The following PDSS2 variants were observed in gnomAD, a reference collection of about 807,000 sequenced individuals.
The protein encoded by PDSS2 is decaprenyl diphosphate synthase subunit 2.
PDSS2 carries 31 observed loss-of-function variants against 44.5 expected under a neutral mutation model. The ratio of observed to expected loss-of-function variants is 0.70; its 90% CI spans 0.52 to 0.94. PDSS2 has a LOEUF of 0.94. Among genes scored for constraint, PDSS2 ranks in the 40% least tolerant of loss-of-function variants. PDSS2 has a pLI of 0.00. For missense variants in PDSS2, 452 were observed against 482.2 expected (o/e 0.94, Z 0.59); for synonymous variants, 157 against 180.3 (o/e 0.87, Z 1.03).
At chr6:107,303,041 A>G (rs1214803866) in intron 2 of PDSS2, among the ~76,000 whole-genome samples, 2 of 152,264 alleles carry the variant, frequency 1.3e-5, no homozygotes, top group Non-Finnish European at 2.9e-5. Flanking sequence ...AGTATCACAG[A>G]CTGAGTAATT....
Position 107,459,052 on chromosome 6 carries a change from G to T in PDSS2, c.234C>A (p.Ser78Arg), listed in dbSNP as rs1257581809. ...SLRCLLSDEL[S>R]NIAMQVRKLV... ...GCTTCCGCACCTGCATAGCGATGTT[G>T]CTGAGCTCGTCGCTCAGCAGGCAGC... Residue 78 changes from serine (S) to arginine (R), a missense_variant, in exon 1 of 8, where the codon AGC becomes AGA. Transcript: ENST00000369037. This position sits in a 1 kb window ranked among gnomAD's most constrained non-coding sequence, Gnocchi z 4.3. The T allele has an allele frequency of 6.2e-7, 1 of 1,614,132 alleles. No individual in the cohort carries two copies. Among genetic ancestry groups the T allele is most frequent in the Admixed American group, 1.7e-5 (1 of 60,028 alleles).
intron 2 of PDSS2, among the ~76,000 whole-genome samples, chr6:107,330,905 G>T (rs548050838): frequency 6.6e-6 from 1 of 152,144 alleles, no homozygotes; most frequent in African/African-American, 2.4e-5. Flanking sequence ...GCCTCTCCTG[G>T]CTGTTATATG....
intron 7 of PDSS2, among the ~76,000 whole-genome samples, chr6:107,189,738 G>A (rs1347234297): frequency 6.6e-6 from 1 of 152,120 alleles, no homozygotes; most frequent in Non-Finnish European, 1.5e-5. Context: ...TGGTCCAGGG[G>A]TGCTCTTATT....
chr6:107,167,745 C>T (rs1771406798), intron 7 of PDSS2, among the ~76,000 whole-genome samples: 1 of 152,184 alleles, frequency 6.6e-6, no homozygotes, highest in African/African-American at 2.4e-5. Context: ...ACCCAGTAGT[C>T]ATTCAGGAGC....
intron 4 of PDSS2, among the ~76,000 whole-genome samples, chr6:107,228,682 G>A (rs1270546629): frequency 1.3e-5 from 2 of 149,890 alleles, no homozygotes; most frequent in Non-Finnish European, 2.9e-5. Flanking sequence ...GTGACAGAGG[G>A]AGACTCTATC....
chr6:107,297,955 A>G (rs955441152), intron 2 of PDSS2, among the ~76,000 whole-genome samples: 2 of 152,142 alleles, frequency 1.3e-5, no homozygotes, highest in African/African-American at 4.8e-5. Context: ...CATGTTGGCC[A>G]GGCTGGTCTC....
chr6:107,343,399 T>C (rs1474181927), intron 1 of PDSS2, among the ~76,000 whole-genome samples: 3 of 152,216 alleles, frequency 2.0e-5, no homozygotes, highest in South Asian at 2.1e-4. Flanking sequence ...ACCTGCTAAA[T>C]TGATTTGTGA....
At chr6:107,164,323 C>T (rs1554247184) in intron 7 of PDSS2, among the ~76,000 whole-genome samples, 1 of 152,142 alleles carries the variant, frequency 6.6e-6, no homozygotes, top group Non-Finnish European at 1.5e-5. Flanking sequence ...CCACTTCCCC[C>T]ACCCCACGAC....
At chr6:107,192,921 G>C (rs1356189126) in intron 7 of PDSS2, among the ~76,000 whole-genome samples, 1 of 152,150 alleles carries the variant, frequency 6.6e-6, no homozygotes, top group African/African-American at 2.4e-5. Flanking sequence ...GAGGGTTTTG[G>C]TTGTCCCACG....
intron 1 of PDSS2, among the ~76,000 whole-genome samples, chr6:107,445,880 G>C (rs994661548): frequency 2.4e-4 from 37 of 152,160 alleles, no homozygotes; most frequent in Non-Finnish European, 8.8e-5. Flanking sequence ...TACTGACAGA[G>C]ATGAAACTAC....
chr6:107,192,297 G>C, intron 7 of PDSS2: 6 of 444,896 alleles, frequency 1.3e-5, no homozygotes, highest in South Asian at 1.0e-4. Flanking sequence ...AAGGAGAGAC[G>C]GTCCCAACAC....
At chr6:107,316,694 G>A (rs1314368738) in intron 2 of PDSS2, among the ~76,000 whole-genome samples, 2 of 152,028 alleles carry the variant, frequency 1.3e-5, no homozygotes, top group Non-Finnish European at 2.9e-5. Flanking sequence ...TTAAGTGACT[G>A]CCGTTCTCCC....
chr6:107,384,023 T>A (rs957932129), intron 1 of PDSS2, among the ~76,000 whole-genome samples: 2 of 152,278 alleles, frequency 1.3e-5, no homozygotes, highest in South Asian at 2.1e-4. Context: ...CAAATATCCA[T>A]TAGCTAATCA....
rs112912276 is a variant in PDSS2 at position 107,372,552 on chromosome 6, T to C, written c.297-38220A>G. ...CTGCAAGCTCCGCCTCCCGGGTTCA[T>C]GCCATTCTCCTGCCTCAGCCTCCCG... On this transcript the variant is annotated intron_variant, in intron 1 of 7. Coordinates refer to ENST00000369037, the MANE Select transcript of PDSS2 (RefSeq NM_020381.4). Among the ~76,000 whole-genome samples the C allele has an allele frequency of 4.1e-3, 623 of 152,212 alleles. 1 individual carries two copies. Among genetic ancestry groups the C allele is most frequent in the Non-Finnish European group, 5.1e-3 (347 of 67,990 alleles).
At chr6:107,268,940 G>GT (rs1337433105) in intron 3 of PDSS2, among the ~76,000 whole-genome samples, 2 of 122,442 alleles carry the variant, frequency 1.6e-5, no homozygotes, top group African/African-American at 2.7e-5. Flanking sequence ...TTAACAAATA[G>GT]TATTTTTTTT....
intron 7 of PDSS2, among the ~76,000 whole-genome samples, chr6:107,162,439 G>T (rs1384894469): frequency 7.9e-6 from 1 of 126,448 alleles, no homozygotes; most frequent in Non-Finnish European, 1.6e-5. Context: ...GTTGCAGTAA[G>T]CCAAGATCAT....
intron 2 of PDSS2, among the ~76,000 whole-genome samples, chr6:107,306,751 A>G (rs1190035720): frequency 2.0e-5 from 3 of 152,246 alleles, no homozygotes; most frequent in African/African-American, 7.2e-5. Flanking sequence ...AACACTGACT[A>G]TAAGGTACAA....
In PDSS2 at chr6:107,228,520, C is replaced by G. The variant is rs1371610276; in HGVS notation, c.703-16238G>C. ...ACCAGCCTGGCCAACGTGGTGAAAC[C>G]CCGTCTCTACTAAAAATACAAAAAA... On this transcript the variant is annotated intron_variant, in intron 4 of 7. Transcript: ENST00000369037. Among the ~76,000 whole-genome samples the G allele has an allele frequency of 5.3e-5, 8 of 152,114 alleles. No homozygotes were observed. In the East Asian group the frequency reaches 9.7e-4, roughly 18 times the overall value.
chr6:107,356,005 T>G (rs368368354), intron 1 of PDSS2, among the ~76,000 whole-genome samples: 1 of 152,230 alleles, frequency 6.6e-6, no homozygotes. Context: ...CAGTGTTAGA[T>G]TTCCTCTTCA....
Sources: allele counts gnomAD v4.1 joint callset (sites outside exome capture counted in the v4.1 genomes callset), GRCh38; gene constraint gnomAD v4.1.1; non-coding constraint Gnocchi (gnomAD v3.1); transcripts MANE v1.5; gene names NCBI Gene and HGNC (gene_info 2026-07-23, HGNC 2026-07-21).